The following INO80 variants were observed in gnomAD, a reference collection of about 807,000 sequenced individuals.
INO80 encodes INO80 complex ATPase subunit.
In INO80, 20 loss-of-function variants were observed where a neutral mutation model predicts 203.4. The observed-to-expected ratio is 0.10, with a 90% CI of 0.07 to 0.14. The LOEUF is 0.14. Among genes scored for constraint, INO80 ranks in the 10% least tolerant of loss-of-function variants. The pLI is 1.00. For missense variants in INO80, 1,419 were observed against 1,914.4 expected (o/e 0.74, Z 4.83); for synonymous variants, 726 against 685.2 (o/e 1.06, Z -0.93).
At chr15:40,990,694 T>C (rs982392792) in intron 29 of INO80, among the ~76,000 whole-genome samples, 9 of 152,194 alleles carry the variant, frequency 5.9e-5, no homozygotes, top group Non-Finnish European at 7.3e-5. Flanking sequence ...TTAACAAACC[T>C]GACCACACGA....
intron 1 of INO80, among the ~76,000 whole-genome samples, chr15:41,114,220 T>C (rs901999846): frequency 6.7e-6 from 1 of 149,430 alleles, no homozygotes. Context: ...TGAGCCGAGA[T>C]CACGCCACTA....
chr15:41,048,176 T>C (rs755537130), intron 22 of INO80, 36 bp downstream of exon 22: 3 of 1,539,296 alleles, frequency 1.9e-6, no homozygotes, highest in South Asian at 1.1e-5. Context: ...GGTAAAACCC[T>C]GACAAACCTA....
At chr15:41,075,729 A>G (rs943747004) in intron 9 of INO80, among the ~76,000 whole-genome samples, 1 of 151,864 alleles carries the variant, frequency 6.6e-6, no homozygotes, top group Non-Finnish European at 1.5e-5. Flanking sequence ...GCTGGGATTA[A>G]AGGTGTGAGC....
chr15:41,096,368 T>C lies in INO80; in HGVS notation c.-43-15A>G, dbSNP rs2045724068. 1 of 1,478,478 alleles carries C rather than the reference T, an allele frequency of 6.8e-7. No individual in the cohort carries two copies. Among genetic ancestry groups the C allele is most frequent in the Non-Finnish European group, 9.0e-7 (1 of 1,113,692 alleles). The allele number at this position is 1,478,478 out of a possible 1,614,324, so 91.6% of individuals were successfully genotyped here. On this transcript the variant is annotated splice_polypyrimidine_tract_variant and intron_variant, in intron 1 of 35. Transcript: ENST00000648947. ...CGACTGCACGGCTGCAGAACAGAGA[T>C]AAGAAGTGAAAGATGAAATTACTAT...
rs761313630 is a variant in INO80, at chr15:41,087,684, T to C, written c.538-2A>G. The C allele has an allele frequency of 6.2e-7, 1 of 1,609,614 alleles. No homozygotes were observed. The highest frequency in any genetic ancestry group is 8.5e-7 in the Non-Finnish European group (1 of 1,178,456). On this transcript the variant is annotated splice_acceptor_variant, in intron 5 of 35. Transcript: ENST00000648947. LOFTEE classifies it high-confidence loss of function. ...ACTGTAGTACTGATATTGCTGCAACTGAAGCAGGCAAAGACCATGATGGGC... is the reference window on the plus strand; with the variant it reads ...ACTGTAGTACTGATATTGCTGCAACCGAAGCAGGCAAAGACCATGATGGGC...
Position 41,005,573 on chromosome 15 carries a change from G to T in INO80, c.3497+20C>A. Reference sequence around the variant, plus strand: ...GAGGGAAATTAAAAAGATAATTTTTGTAATTCCCATGAACATTACCTGTTC... The same window carrying T: ...GAGGGAAATTAAAAAGATAATTTTTTTAATTCCCATGAACATTACCTGTTC... On this transcript the variant is annotated intron_variant, in intron 28 of 35. Coordinates refer to ENST00000648947, the MANE Select transcript of INO80 (RefSeq NM_017553.3). 14 of 1,284,686 alleles carry T rather than the reference G, an allele frequency of 1.1e-5. No homozygotes were observed. Among genetic ancestry groups the T allele is most frequent in the South Asian group, 2.6e-5 (2 of 77,306 alleles). The allele number at this position is 1,284,686 out of a possible 1,614,324, so 79.6% of individuals were successfully genotyped here. A position where few individuals can be genotyped will look rare whatever the true frequency, so the allele number is the denominator to read the frequency against.
chr15:41,072,660 AG>A lies in INO80; in HGVS notation c.1396-603del, dbSNP rs1315709644. Among the ~76,000 whole-genome samples the A allele has an allele frequency of 7.3e-5, 11 of 150,250 alleles. No individual in the cohort carries two copies. In the East Asian group the frequency reaches 1.7e-3, roughly 24 times the overall value. ...CCGCCTCAAAAAAAAAAAAAAAAAA[AG>A]AATAAATAAATAAATAAATAACAAA... On this transcript the variant is annotated intron_variant, in intron 11 of 35. Coordinates refer to ENST00000648947, the MANE Select transcript of INO80 (RefSeq NM_017553.3).
intron 12 of INO80, among the ~76,000 whole-genome samples, chr15:41,071,455 T>C (rs1389838200): frequency 2.8e-5 from 4 of 144,284 alleles, no homozygotes; most frequent in African/African-American, 1.1e-4. Flanking sequence ...TTCCTTTTTT[T>C]TTTTTTTTTT....
chr15:41,023,411 T>C (rs2044325209), intron 25 of INO80: 4 of 452,232 alleles, frequency 8.8e-6, no homozygotes, highest in African/African-American at 2.0e-5. Flanking sequence ...ACTATAGAAA[T>C]ATGACCAGTT....
intron 29 of INO80, among the ~76,000 whole-genome samples, chr15:40,996,571 G>A (rs1450501697): frequency 1.3e-5 from 2 of 151,678 alleles, no homozygotes; most frequent in Admixed American, 6.6e-5. Context: ...TGATCCACCC[G>A]CCTTGGCCTC....
At chr15:41,071,092 C>A (rs745698393) in intron 12 of INO80, among the ~76,000 whole-genome samples, 1 of 152,092 alleles carries the variant, frequency 6.6e-6, no homozygotes, top group Non-Finnish European at 1.5e-5. Flanking sequence ...TCACTTGAGC[C>A]CAGGAGTTTA....
intron 7 of INO80, among the ~76,000 whole-genome samples, chr15:41,084,453 G>T (rs1179951915): frequency 6.6e-6 from 1 of 152,126 alleles, no homozygotes; most frequent in Non-Finnish European, 1.5e-5. Flanking sequence ...CAGGTACTTG[G>T]AAGGCTAAGG....
chr15:41,065,812 C>G (rs1383505773), intron 14 of INO80, among the ~76,000 whole-genome samples: 2 of 152,164 alleles, frequency 1.3e-5, no homozygotes, highest in East Asian at 3.9e-4. Flanking sequence ...TCAGAATAAG[C>G]AAATCCAGCC....
intron 28 of INO80, among the ~76,000 whole-genome samples, chr15:40,999,076 A>G (rs1001052760): frequency 2.0e-5 from 3 of 152,174 alleles, no homozygotes; most frequent in African/African-American, 7.2e-5. Context: ...TAAAGAAAGA[A>G]AAAAGATTAG....
At chr15:41,048,191 C>G in intron 22 of INO80, 21 bp downstream of exon 22, 1 of 1,592,314 alleles carries the variant, frequency 6.3e-7, no homozygotes, top group Non-Finnish European at 8.6e-7. Flanking sequence ...AACCTACTTT[C>G]CCAAAGATCA....
At chr15:41,050,227 T>A (rs2044846782) in intron 19 of INO80, 125 bp from the exon 20 acceptor site, 2 of 649,222 alleles carry the variant, frequency 3.1e-6, no homozygotes, top group South Asian at 3.9e-5. Context: ...GAACTCAGTA[T>A]CTCTATAAAC....
intron 27 of INO80, among the ~76,000 whole-genome samples, chr15:41,009,299 G>A (rs2044098538): frequency 1.4e-5 from 2 of 147,784 alleles, no homozygotes; most frequent in South Asian, 4.3e-4. Context: ...AGTTACATAT[G>A]TATACATGTG....
At chr15:41,101,001 T>G (rs2045800778) in intron 1 of INO80, among the ~76,000 whole-genome samples, 1 of 151,984 alleles carries the variant, frequency 6.6e-6, no homozygotes, top group Non-Finnish European at 1.5e-5. Flanking sequence ...AGCTAATTTT[T>G]GTATTTTTAG....
At chr15:41,016,361 A>G (rs757447679) in intron 26 of INO80, 146 bp from the exon 27 acceptor site, 7 of 748,214 alleles carry the variant, frequency 9.4e-6, no homozygotes, top group Non-Finnish European at 1.5e-5. Context: ...GGGAGAATGC[A>G]ACGCCCTGAA....
Sources: gnomAD v4.1 joint callset for allele counts (sites outside exome capture counted in the v4.1 genomes callset) on GRCh38, gnomAD v4.1.1 for gene constraint, MANE v1.5 for transcripts, NCBI Gene and HGNC (gene_info 2026-07-23, HGNC 2026-07-21) for gene names.